The following ADGRA3 variants were observed in gnomAD, a reference collection of about 807,000 sequenced individuals.
The protein encoded by ADGRA3 is adhesion G protein-coupled receptor A3.
In ADGRA3, 56 loss-of-function variants were observed where a neutral mutation model predicts 119.8. The observed-to-expected ratio is 0.47, with a 90% CI of 0.38 to 0.58. The LOEUF (loss-of-function observed/expected upper bound fraction) is 0.58. Among genes scored for constraint, ADGRA3 ranks in the 20% least tolerant of loss-of-function variants. ADGRA3 has a pLI of 0.00. For synonymous variants in ADGRA3, 607 were observed against 623.8 expected (o/e 0.97, Z 0.40); for missense variants, 1,516 against 1,649.0 (o/e 0.92, Z 1.40).
Position 22,515,790 on chromosome 4 carries a change from G to A in ADGRA3, c.-6C>T, listed in dbSNP as rs1361973604. On this transcript the variant is annotated 5_prime_UTR_variant, in exon 1 of 19. Coordinates refer to ENST00000334304, the MANE Select transcript of ADGRA3 (RefSeq NM_145290.4). Reference sequence around the variant, plus strand: ...CGGCGTCCGGGTGGCTCCATGCTGCGGGCCGGGGCCTGCGGGGCGAGCGGC... The same window carrying A: ...CGGCGTCCGGGTGGCTCCATGCTGCAGGCCGGGGCCTGCGGGGCGAGCGGC... The A allele has an allele frequency of 5.0e-6, 5 of 1,000,256 alleles. No homozygotes were observed. Among genetic ancestry groups the A allele is most frequent in the Non-Finnish European group, 3.6e-6 (3 of 843,668 alleles). The allele number at this position is 1,000,256 out of a possible 1,614,324, so 62.0% of individuals were successfully genotyped here. A position where few individuals can be genotyped will look rare whatever the true frequency, so the allele number is the denominator to read the frequency against.
Position 22,388,452 on chromosome 4 carries a change from G to T in ADGRA3, c.3219C>A (p.Asn1073Lys). Residue 1073 changes from asparagine to lysine, a missense_variant, in exon 19 of 19, where the codon AAC becomes AAA. Asn to Lys is a moderately conservative substitution (Grantham distance 94). This residue lies in a region of ADGRA3 where 1,088 missense variants were observed against 1,107.1 expected (regional missense o/e 0.98). Coordinates refer to ENST00000334304, the MANE Select transcript of ADGRA3 (RefSeq NM_145290.4). ...TCCCATTAGAGTTGGGGGGCTGGACGTTGACTTGCACTGAATACGAGCTCC... is the reference window on the plus strand; with the variant it reads ...TCCCATTAGAGTTGGGGGGCTGGACTTTGACTTGCACTGAATACGAGCTCC... ...PGRSSYSVQV[N>K]VQPPNSNGTN... 1 of 1,614,036 alleles carries T rather than the reference G, an allele frequency of 6.2e-7. No individual in the cohort carries two copies.
At chr4:22,455,811 C>T (rs770606264) in intron 3 of ADGRA3, 2 of 1,288,276 alleles carry the variant, frequency 1.6e-6, no homozygotes, top group South Asian at 1.2e-5. Context: ...TAACTTACAC[C>T]TGGCATGGCA....
At chr4:22,475,501 G>A (rs1718007170) in intron 1 of ADGRA3, among the ~76,000 whole-genome samples, 1 of 152,192 alleles carries the variant, frequency 6.6e-6, no homozygotes, top group Non-Finnish European at 1.5e-5. Flanking sequence ...GCCGAGGCGG[G>A]TGGATTATGA....
intron 1 of ADGRA3, among the ~76,000 whole-genome samples, chr4:22,485,062 A>G (rs1195037528): frequency 2.0e-5 from 3 of 152,008 alleles, no homozygotes; most frequent in African/African-American, 7.2e-5. Context: ...TTCTCCCTTC[A>G]GCCCACCTAC....
At chr4:22,414,002 A>G in intron 12 of ADGRA3, 188 bp from the exon 13 acceptor site, 1 of 466,468 alleles carries the variant, frequency 2.1e-6, no homozygotes, top group Non-Finnish European at 3.8e-6. Context: ...ACATAGATTA[A>G]AAGAAGTATA....
intron 14 of ADGRA3, among the ~76,000 whole-genome samples, chr4:22,407,810 A>C (rs1438391473): frequency 6.6e-6 from 1 of 152,186 alleles, no homozygotes; most frequent in East Asian, 1.9e-4. Context: ...GTGTTACTTC[A>C]GGCCTCAGAA....
At chr4:22,427,371 G>A (rs1483147555) in intron 10 of ADGRA3, among the ~76,000 whole-genome samples, 1 of 151,680 alleles carries the variant, frequency 6.6e-6, no homozygotes, top group African/African-American at 2.4e-5. Context: ...CATCTTTCTT[G>A]AAAAATTCAT....
intron 4 of ADGRA3, among the ~76,000 whole-genome samples, chr4:22,450,948 A>AT (rs1560324108): frequency 0.053 from 6,707 of 127,150 alleles, 159 homozygotes; most frequent in Non-Finnish European, 0.076. Flanking sequence ...AAAAAAAAAA[A>AT]AAAATATATA....
intron 1 of ADGRA3, among the ~76,000 whole-genome samples, chr4:22,512,826 C>G (rs536518914): frequency 1.3e-5 from 2 of 152,300 alleles, no homozygotes; most frequent in East Asian, 3.9e-4. Context: ...AGCCACCAAG[C>G]CTGTAGTAAT....
At chr4:22,432,788 T>C (rs1030804932) in intron 10 of ADGRA3, among the ~76,000 whole-genome samples, 3 of 152,194 alleles carry the variant, frequency 2.0e-5, no homozygotes, top group Non-Finnish European at 4.4e-5. Flanking sequence ...ATGCCTATCC[T>C]GAGACAACAA....
chr4:22,460,472 T>C (rs145435899), intron 3 of ADGRA3, among the ~76,000 whole-genome samples: 1 of 152,358 alleles, frequency 6.6e-6, no homozygotes, highest in East Asian at 1.9e-4. Flanking sequence ...CTTATCAGCC[T>C]AGACAAGGCA....
In ADGRA3 at chr4:22,494,616, A is replaced by G. The variant is rs576260075; in HGVS notation, c.258-20773T>C. Among the ~76,000 whole-genome samples the G allele has an allele frequency of 4.0e-4, 61 of 152,026 alleles. 1 individual carries two copies. The highest frequency in any genetic ancestry group is 1.4e-3 in the African/African-American group (57 of 41,334). Reference sequence around the variant, plus strand: ...ATCCTACAATCAAGAAAACTACTACACATATTATCCTAAATAAAACTACTA... The same window carrying G: ...ATCCTACAATCAAGAAAACTACTACGCATATTATCCTAAATAAAACTACTA... On this transcript the variant is annotated intron_variant, in intron 1 of 18. Transcript: ENST00000334304.
chr4:22,447,429 T>C lies in ADGRA3; in HGVS notation c.545+11A>G, dbSNP rs1577354437. The C allele has an allele frequency of 1.4e-6, 2 of 1,452,018 alleles. No individual in the cohort carries two copies. The highest frequency in any genetic ancestry group is 1.9e-6 in the Non-Finnish European group (2 of 1,078,910). The allele number at this position is 1,452,018 out of a possible 1,614,324, so 89.9% of individuals were successfully genotyped here. A position where few individuals can be genotyped will look rare whatever the true frequency, so the allele number is the denominator to read the frequency against. Reference sequence around the variant, plus strand: ...TCAAAAAAAAAAAGAGAGAAAAAAATTCTTACTTACAAAGACCGTAATGAC... The same window carrying C: ...TCAAAAAAAAAAAGAGAGAAAAAAACTCTTACTTACAAAGACCGTAATGAC... On this transcript the variant is annotated intron_variant, in intron 5 of 18. Coordinates refer to ENST00000334304, the MANE Select transcript of ADGRA3 (RefSeq NM_145290.4).
chr4:22,396,232 G>T (rs1243333885), intron 16 of ADGRA3, among the ~76,000 whole-genome samples: 1 of 152,086 alleles, frequency 6.6e-6, no homozygotes, highest in African/African-American at 2.4e-5. Context: ...AAGCACCTAA[G>T]GTCCTACCTG....
At chr4:22,496,534 C>G (rs1043642850) in intron 1 of ADGRA3, among the ~76,000 whole-genome samples, 1 of 152,214 alleles carries the variant, frequency 6.6e-6, no homozygotes. Flanking sequence ...TTCCTCAATA[C>G]AGTCCGTGGT....
At chr4:22,453,199 T>C (rs1167911564) in intron 4 of ADGRA3, among the ~76,000 whole-genome samples, 1 of 29,010 alleles carries the variant, frequency 3.4e-5, no homozygotes, top group Non-Finnish European at 7.5e-5. Flanking sequence ...AGACTCCATC[T>C]CAAAAAAAAA....
At position 22,388,876 on chromosome 4, in the gene ADGRA3, C is replaced by A; in HGVS notation, c.2795G>T (p.Cys932Phe). Residue 932 changes from cysteine to phenylalanine, a missense_variant, in exon 19 of 19, where the codon TGC becomes TTC. Around this residue, in one of 2 missense-constraint regions of ADGRA3, gnomAD observed 1,088 missense variants for 1,107.1 expected, o/e 0.98. Transcript: ENST00000334304. The stretch of plus-strand genomic sequence containing the variant: ...AATAAATATGCTCAGAAAGTACATG[C>A]AGTTTACAAAAGTGATGAAGCTGGC... ...GPASFITFVN[C>F]MYFLSIFIQL... is the part of the protein sequence containing the mutation. The A allele has an allele frequency of 3.7e-6, 6 of 1,614,046 alleles. No individual in the cohort carries two copies. Among genetic ancestry groups the A allele is most frequent in the Non-Finnish European group, 5.1e-6 (6 of 1,179,968 alleles).
intron 2 of ADGRA3, among the ~76,000 whole-genome samples, chr4:22,467,765 T>TC (rs1416590094): frequency 2.6e-5 from 4 of 152,118 alleles, no homozygotes; most frequent in African/African-American, 9.7e-5. Flanking sequence ...ATCCCCTTTT[T>TC]CCCCCACCAA....
chr4:22,438,444 A>C, intron 7 of ADGRA3, 24 bp from the exon 8 acceptor site: 1 of 1,597,236 alleles, frequency 6.3e-7, no homozygotes, highest in African/African-American at 1.3e-5. Context: ...GATTTTAAAA[A>C]GAGAGAAAAT....
Sources: gnomAD v4.1 joint callset for allele counts (sites outside exome capture counted in the v4.1 genomes callset) on GRCh38, gnomAD v4.1.1 for gene constraint, gnomAD v4.1.1 regional missense constraint, MANE v1.5 for transcripts, NCBI Gene and HGNC (gene_info 2026-07-23, HGNC 2026-07-21) for gene names.